IPO11: variants seen among roughly 807,000 people sequenced by gnomAD.
The protein encoded by IPO11 is importin-11.
In IPO11, 66 loss-of-function variants were observed where a neutral mutation model predicts 143.2. The observed-to-expected ratio is 0.46, with a 90% CI of 0.38 to 0.57. The LOEUF (loss-of-function observed/expected upper bound fraction) is 0.57. Ranked by LOEUF, IPO11 falls within the 20% of genes least tolerant of loss-of-function variation. IPO11 has a pLI of 0.00. For synonymous variants in IPO11, 385 were observed against 377.8 expected (o/e 1.02, Z -0.22); for missense variants, 1,026 against 1,141.0 (o/e 0.90, Z 1.45).
chr5:62,559,644 C>T (rs182928075), intron 26 of IPO11, among the ~76,000 whole-genome samples: 4 of 151,630 alleles, frequency 2.6e-5, no homozygotes, highest in Admixed American at 6.6e-5. Context: ...TGGCTGGGTG[C>T]GGTGGCTCAC....
intron 5 of IPO11, among the ~76,000 whole-genome samples, chr5:62,452,434 A>T (rs114307464): frequency 6.6e-6 from 1 of 150,960 alleles, no homozygotes; most frequent in Admixed American, 6.6e-5. Context: ...TCTGAAGGCA[A>T]GGAGGTCAGT....
At chr5:62,595,847 T>C (rs1471760403) in intron 28 of IPO11, among the ~76,000 whole-genome samples, 1 of 152,080 alleles carries the variant, frequency 6.6e-6, no homozygotes, top group Non-Finnish European at 1.5e-5. Context: ...TTCTTTGCTT[T>C]CTGCTTGTCT....
chr5:62,501,920 C>A (rs923955870), intron 16 of IPO11, among the ~76,000 whole-genome samples: 1 of 152,278 alleles, frequency 6.6e-6, no homozygotes, highest in East Asian at 1.9e-4. Context: ...CCATTTCTTT[C>A]TGGCCCCAAC....
Position 62,437,404 on chromosome 5 carries a change from A to G in IPO11, c.125A>G (p.Tyr42Cys). Residue 42 changes from tyrosine (Y) to cysteine (C), a missense_variant, in exon 2 of 30, where the codon TAT becomes TGT. Around this residue, in one of 5 missense-constraint regions of IPO11, gnomAD observed 429 missense variants for 456.3 expected, o/e 0.94. Coordinates refer to ENST00000325324, the MANE Select transcript of IPO11 (RefSeq NM_016338.5). ...CAGTGGGAGACACAGCCAGGTTTCT[A>G]TTCAGTGTTGCTGGTAAGTTGTTCT... ...LKQWETQPGFYSVLLNIFTNH... is the reference protein window; with the variant it reads ...LKQWETQPGFCSVLLNIFTNH... 1 of 1,607,938 alleles carries G rather than the reference A, an allele frequency of 6.2e-7. No homozygotes were observed. Among genetic ancestry groups the G allele is most frequent in the Non-Finnish European group, 8.5e-7 (1 of 1,177,356 alleles).
intron 3 of IPO11, among the ~76,000 whole-genome samples, chr5:62,445,859 T>G (rs572027415): frequency 1.7e-4 from 26 of 152,296 alleles, no homozygotes; most frequent in African/African-American, 6.3e-4. Flanking sequence ...ATCTGTATTT[T>G]TTTTGCATAA....
chr5:62,497,232 G>A (rs1741187721), intron 16 of IPO11, among the ~76,000 whole-genome samples: 1 of 152,074 alleles, frequency 6.6e-6, no homozygotes, highest in African/African-American at 2.4e-5. Flanking sequence ...CGTAGAAAGA[G>A]CAGGGCTACC....
intron 21 of IPO11, among the ~76,000 whole-genome samples, chr5:62,527,350 ACT>A (rs1392398882): frequency 3.3e-5 from 5 of 152,084 alleles, no homozygotes; most frequent in African/African-American, 9.7e-5. Flanking sequence ...CAACTATTTG[ACT>A]CTGCTGTCAG....
chr5:62,458,729 G>T (rs911090946), intron 5 of IPO11, among the ~76,000 whole-genome samples: 1 of 152,186 alleles, frequency 6.6e-6, no homozygotes, highest in African/African-American at 2.4e-5. Flanking sequence ...AGGTGAAAAA[G>T]AACTTTTTGG....
At chr5:62,552,914 A>C (rs139880997) in intron 26 of IPO11, among the ~76,000 whole-genome samples, 16 of 152,292 alleles carry the variant, frequency 1.1e-4, no homozygotes, top group African/African-American at 3.8e-4. Context: ...AATCAGGGTA[A>C]TTGACATATC....
intron 22 of IPO11, among the ~76,000 whole-genome samples, chr5:62,532,043 T>C (rs899471830): frequency 6.6e-5 from 10 of 152,196 alleles, no homozygotes; most frequent in African/African-American, 1.7e-4. Flanking sequence ...TCTTTATATT[T>C]GACCTAAGAT....
At chr5:62,447,328 C>G (rs1438334273) in intron 3 of IPO11, among the ~76,000 whole-genome samples, 1 of 152,074 alleles carries the variant, frequency 6.6e-6, no homozygotes, top group Non-Finnish European at 1.5e-5. Context: ...TAGTCTTGAA[C>G]TCCTGACTGC....
intron 5 of IPO11, among the ~76,000 whole-genome samples, chr5:62,459,798 C>T (rs1295607077): frequency 6.6e-6 from 1 of 152,202 alleles, no homozygotes; most frequent in African/African-American, 2.4e-5. Flanking sequence ...GTCTGCCAGC[C>T]TTGGCCTCCC....
chr5:62,433,541 T>C (rs976171732), intron 1 of IPO11, among the ~76,000 whole-genome samples: 1 of 152,132 alleles, frequency 6.6e-6, no homozygotes, highest in Non-Finnish European at 1.5e-5. Context: ...AGATTTTGGG[T>C]AGACAACAGA....
Position 62,627,386 on chromosome 5 carries a change from G to C in IPO11, c.*68G>C. ...GAGTAACCCAGCCTGCCGTTTGTAT[G>C]TGAGAGCCTGCTGAGATGAAGAAAT... is the stretch of plus-strand genomic sequence containing the variant. On this transcript the variant is annotated 3_prime_UTR_variant, in exon 30 of 30. Coordinates refer to ENST00000325324, the MANE Select transcript of IPO11 (RefSeq NM_016338.5). 2.1e-6 allele frequency: 3 copies of C among 1,438,490 alleles called. No individual in the cohort carries two copies. Among genetic ancestry groups the C allele is most frequent in the Non-Finnish European group, 2.9e-6 (3 of 1,048,178 alleles). The allele number at this position is 1,438,490 out of a possible 1,614,324, so 89.1% of individuals were successfully genotyped here. A position where few individuals can be genotyped will look rare whatever the true frequency, so the allele number is the denominator to read the frequency against.
chr5:62,456,992 A>G (rs977342313), intron 5 of IPO11, among the ~76,000 whole-genome samples: 7 of 152,026 alleles, frequency 4.6e-5, no homozygotes, highest in Admixed American at 6.6e-5. Context: ...AGGCAGGACA[A>G]TTGCTTCAAC....
chr5:62,519,183 A>G (rs1226199952), intron 20 of IPO11, among the ~76,000 whole-genome samples: 1 of 152,226 alleles, frequency 6.6e-6, no homozygotes, highest in Non-Finnish European at 1.5e-5. Context: ...TGTTTTAGGC[A>G]TATGAACTGA....
intron 7 of IPO11, among the ~76,000 whole-genome samples, chr5:62,472,216 G>A (rs571232922): frequency 3.4e-4 from 52 of 152,200 alleles, no homozygotes; most frequent in African/African-American, 1.2e-3. Flanking sequence ...TATGGTAGAA[G>A]CAATATGTCA....
chr5:62,561,442 G>T (rs1211627909), intron 27 of IPO11, among the ~76,000 whole-genome samples, 185 bp downstream of exon 27: 1 of 151,556 alleles, frequency 6.6e-6, no homozygotes, highest in Admixed American at 6.6e-5. Flanking sequence ...AGTGGGATAG[G>T]TACTGTTGGA....
intron 19 of IPO11, among the ~76,000 whole-genome samples, chr5:62,511,707 G>C (rs2112274416): frequency 6.6e-6 from 1 of 152,118 alleles, no homozygotes; most frequent in African/African-American, 2.4e-5. Flanking sequence ...AGATAGTAGT[G>C]AAGCTATGAA....
Sources: allele counts gnomAD v4.1 joint callset (sites outside exome capture counted in the v4.1 genomes callset), GRCh38; gene constraint gnomAD v4.1.1; regional missense constraint gnomAD v4.1.1; transcripts MANE v1.5; gene names NCBI Gene and HGNC (gene_info 2026-07-23, HGNC 2026-07-21).